Variants in MKX observed in about 807,000 individuals in gnomAD.
MKX encodes mohawk homeobox.
Under a neutral mutation model 36.0 loss-of-function variants are expected in MKX, and 13 were observed. That is an observed-to-expected ratio of 0.36 (90% CI 0.24 to 0.57). MKX has a LOEUF of 0.57. MKX is among the 20% of genes least tolerant of loss of function. The pLI is 0.79. For synonymous variants in MKX, 176 were observed against 178.3 expected (o/e 0.99, Z 0.10); for missense variants, 458 against 456.4 (o/e 1.00, Z -0.03).
intron 5 of MKX, among the ~76,000 whole-genome samples, chr10:27,696,332 G>A (rs1238368387): frequency 6.6e-6 from 1 of 152,032 alleles, no homozygotes; most frequent in Non-Finnish European, 1.5e-5. Context: ...TGTCAGACAC[G>A]GGTACCCAAT....
chr10:27,706,778 C>T (rs1028380587), intron 5 of MKX, among the ~76,000 whole-genome samples: 8 of 152,070 alleles, frequency 5.3e-5, no homozygotes, highest in Admixed American at 3.9e-4. Flanking sequence ...AGTTGAATGG[C>T]CTACCTTTGA....
intron 5 of MKX, among the ~76,000 whole-genome samples, chr10:27,689,038 T>C (rs1744749855): frequency 1.3e-5 from 2 of 152,226 alleles, no homozygotes; most frequent in South Asian, 2.1e-4. Flanking sequence ...TGAAAAACCA[T>C]CAAAAAGTAT....
chr10:27,745,733 T>A lies in MKX; in HGVS notation c.-109A>T, dbSNP rs2132666431. 1 of 152,550 alleles carries A rather than the reference T, an allele frequency of 6.6e-6. No homozygotes were observed. Among genetic ancestry groups the A allele is most frequent in the Non-Finnish European group, 1.5e-5 (1 of 68,078 alleles). The allele number at this position is 152,550 out of a possible 1,614,324, so 9.4% of individuals were successfully genotyped here. A position where few individuals can be genotyped will look rare whatever the true frequency, so the allele number is the denominator to read the frequency against. ...TGTGGCTGCGGGGCCGACGGCCGGC[T>A]GCAGGGCGGCTGGCTCTCCCGCCTC... On this transcript the variant is annotated 5_prime_UTR_variant, in exon 1 of 7. Coordinates refer to ENST00000419761, the MANE Select transcript of MKX (RefSeq NM_173576.3).
intron 5 of MKX, among the ~76,000 whole-genome samples, chr10:27,716,809 C>T (rs1172209112): frequency 1.3e-5 from 2 of 152,086 alleles, no homozygotes; most frequent in Non-Finnish European, 1.5e-5. Context: ...AGAATTTTGC[C>T]CTCATGACTT....
intron 5 of MKX, among the ~76,000 whole-genome samples, chr10:27,705,012 G>A (rs1008326361): frequency 5.3e-5 from 8 of 152,212 alleles, no homozygotes; most frequent in South Asian, 2.1e-4. Context: ...ATCAGAGTCC[G>A]TATCAAAAGA....
rs372684297 is a variant in MKX at position 27,741,274 on chromosome 10, G to T, written c.348+71C>A. The T allele has an allele frequency of 6.3e-7, 1 of 1,581,226 alleles. No homozygotes were observed. Among genetic ancestry groups the T allele is most frequent in the South Asian group, 1.1e-5 (1 of 87,030 alleles). On this transcript the variant is annotated intron_variant, in intron 3 of 6. Coordinates refer to ENST00000419761, the MANE Select transcript of MKX (RefSeq NM_173576.3). This position sits in a 1 kb window ranked among gnomAD's most constrained non-coding sequence, Gnocchi z 5.1. ...AGAAGCGCCACGTGGAGAGCCACAC[G>T]AACTCTAAGCGTTCCCGCTCTTCAG...
intron 5 of MKX, among the ~76,000 whole-genome samples, chr10:27,715,078 C>T (rs1483034869): frequency 1.3e-5 from 2 of 151,406 alleles, no homozygotes; most frequent in Admixed American, 1.3e-4. Context: ...ACTTGCTGTC[C>T]CTTTCAAAGG....
intron 5 of MKX, among the ~76,000 whole-genome samples, chr10:27,679,637 A>G (rs528844282): frequency 3.7e-4 from 57 of 152,162 alleles, no homozygotes; most frequent in Non-Finnish European, 5.4e-4. Flanking sequence ...CTTTTTTAGG[A>G]AAGCAAGGAC....
chr10:27,735,007 G>A (rs1019285315), intron 4 of MKX, among the ~76,000 whole-genome samples: 8 of 152,106 alleles, frequency 5.3e-5, no homozygotes, highest in Non-Finnish European at 1.2e-4. Flanking sequence ...CACTGAATAT[G>A]TTATTCTGAC....
intron 5 of MKX, among the ~76,000 whole-genome samples, chr10:27,691,820 C>T (rs911095534): frequency 6.6e-6 from 1 of 152,102 alleles, no homozygotes; most frequent in Admixed American, 6.5e-5. Flanking sequence ...TTTTTTCTTC[C>T]TGTGTTAATT....
At chr10:27,700,631 T>C (rs975336277) in intron 5 of MKX, among the ~76,000 whole-genome samples, 6 of 152,188 alleles carry the variant, frequency 3.9e-5, no homozygotes, top group African/African-American at 1.4e-4. Context: ...TAGACATACT[T>C]TCCTCTTTAA....
At chr10:27,682,093 C>T (rs114214936) in intron 5 of MKX, among the ~76,000 whole-genome samples, 213 of 152,186 alleles carry the variant, frequency 1.4e-3, no homozygotes, top group African/African-American at 5.0e-3. Context: ...ATTGATGAGC[C>T]TTACCCTGTG....
intron 5 of MKX, among the ~76,000 whole-genome samples, chr10:27,694,710 A>AAC (rs72009654): frequency 1.3e-5 from 2 of 149,628 alleles, no homozygotes; most frequent in East Asian, 2.0e-4. Context: ...AAAAAAAAAA[A>AAC]ATTTAATCTC....
chr10:27,745,135 C>CTCCTAGATGCGCGTCT (rs755284859), intron 1 of MKX, among the ~76,000 whole-genome samples: 243 of 152,276 alleles, frequency 1.6e-3, no homozygotes, highest in Non-Finnish European at 3.1e-3. Context: ...TTCTCCGAGC[C>CTCCTAGATGCGCGTCT]ACCCCAGCGC....
At chr10:27,684,002 A>C (rs1452294045) in intron 5 of MKX, among the ~76,000 whole-genome samples, 3 of 152,176 alleles carry the variant, frequency 2.0e-5, no homozygotes. Context: ...GTGACTATAC[A>C]GTTCTTTCTT....
chr10:27,676,022 G>A (rs1836140868), intron 5 of MKX, among the ~76,000 whole-genome samples: 1 of 152,208 alleles, frequency 6.6e-6, no homozygotes, highest in African/African-American at 2.4e-5. Flanking sequence ...TGTAATCCCA[G>A]CACTTTGGGA....
At chr10:27,699,791 A>G (rs1836620406) in intron 5 of MKX, among the ~76,000 whole-genome samples, 1 of 152,152 alleles carries the variant, frequency 6.6e-6, no homozygotes, top group Admixed American at 6.5e-5. Context: ...TTAGAACATA[A>G]CAAGCTTCTA....
Position 27,743,238 on chromosome 10 carries a change from G to C in MKX, c.178C>G (p.Arg60Gly). 6.6e-7 allele frequency: 1 copy of C among 1,514,762 alleles called. No homozygotes were observed. Among genetic ancestry groups the C allele is most frequent in the Admixed American group, 2.4e-5 (1 of 41,226 alleles). The allele number at this position is 1,514,762 out of a possible 1,614,324, so 93.8% of individuals were successfully genotyped here. ...GGGGAGTGCGCATACCCGGTCCTCC[G>C]GTGTCTCAGGCCGAGGTTGTCCTTG... is the stretch of plus-strand genomic sequence containing the variant. ...PLKDNLGLRH[R>G]RTGARQNGGK... The change falls in exon 2 of 7, where the codon CGG (arginine) becomes GGG (glycine). Residue 60 changes from arginine to glycine, a missense_variant. By Grantham distance (125) the Arg-to-Gly change is moderately radical. Transcript: ENST00000419761.
chr10:27,737,853 C>G (rs1186210506), intron 3 of MKX, among the ~76,000 whole-genome samples: 1 of 152,076 alleles, frequency 6.6e-6, no homozygotes, highest in Non-Finnish European at 1.5e-5. Flanking sequence ...ACACATAGTA[C>G]AGTGTAAAAT....
Sources: allele counts gnomAD v4.1 joint callset (sites outside exome capture counted in the v4.1 genomes callset), GRCh38; gene constraint gnomAD v4.1.1; non-coding constraint Gnocchi (gnomAD v3.1); transcripts MANE v1.5; gene names NCBI Gene and HGNC (gene_info 2026-07-23, HGNC 2026-07-21).